The following TBC1D4 variants were observed in gnomAD, a reference collection of about 807,000 sequenced individuals.
TBC1D4 encodes TBC1 domain family member 4.
A neutral mutation model predicts 142.5 loss-of-function variants in TBC1D4; 121 were observed. The ratio of observed to expected loss-of-function variants is 0.85; its 90% confidence interval spans 0.73 to 0.99. The LOEUF (loss-of-function observed/expected upper bound fraction) is 0.99, where lower values mean the gene tolerates loss of function less well. Among genes scored for constraint, TBC1D4 ranks in the 50% least tolerant of loss-of-function variants. TBC1D4 has a pLI of 0.00. For synonymous variants in TBC1D4, 630 were observed against 628.2 expected (o/e 1.00, Z -0.04); for missense variants, 1,475 against 1,606.6 (o/e 0.92, Z 1.40).
At chr13:75,398,013 T>C (rs182299284) in intron 1 of TBC1D4, among the ~76,000 whole-genome samples, 1 of 152,114 alleles carries the variant, frequency 6.6e-6, no homozygotes, top group African/African-American at 2.4e-5. Context: ...CACCACGCTG[T>C]GAGGAAGGCC....
At chr13:75,339,565 A>G (rs1298055626) in intron 7 of TBC1D4, among the ~76,000 whole-genome samples, 2 of 149,794 alleles carry the variant, frequency 1.3e-5, no homozygotes, top group Non-Finnish European at 3.0e-5. Context: ...GCACACTACT[A>G]CATAACTTTG....
rs61021889 is a variant in TBC1D4, at chr13:75,375,773, C to CCCACACA, written c.499-13167_499-13166insTGTGTGG. 1.6e-4 allele frequency: 22 copies of CCCACACA among 133,732 alleles called. 1 individual carries two copies. The highest frequency in any genetic ancestry group is 6.5e-4 in the African/African-American group (22 of 33,944). The allele number at this position is 133,732 out of a possible 1,614,324, so 8.3% of individuals were successfully genotyped here. A position where few individuals can be genotyped will look rare whatever the true frequency, so the allele number is the denominator to read the frequency against. On this transcript the variant is annotated intron_variant, in intron 1 of 20. Transcript: ENST00000377636. The stretch of plus-strand genomic sequence containing the variant: ...ACATTCCCCTACTGCCCCACCCCCC[C>CCCACACA]CACACACACACATAATGGATTCTCT...
intron 16 of TBC1D4, among the ~76,000 whole-genome samples, chr13:75,300,008 A>G (rs1876369406): frequency 6.6e-6 from 1 of 152,140 alleles, no homozygotes; most frequent in Non-Finnish European, 1.5e-5. Flanking sequence ...TATTATTTAA[A>G]AGAAAATCTT....
chr13:75,370,807 T>G (rs1448455656), intron 1 of TBC1D4, among the ~76,000 whole-genome samples: 1 of 151,996 alleles, frequency 6.6e-6, no homozygotes, highest in Non-Finnish European at 1.5e-5. Flanking sequence ...GACAGAAAAT[T>G]GGAAGTTATT....
In TBC1D4 at chr13:75,359,833, A is replaced by G. The variant is rs1882355899; in HGVS notation, c.1106T>C (p.Ile369Thr). ...CACAACTGATTTAGTGTCTGGACTGATAAGGTTAATCTCAAATCGCCCAAC... is the reference window on the plus strand; with the variant it reads ...CACAACTGATTTAGTGTCTGGACTGGTAAGGTTAATCTCAAATCGCCCAAC... The part of the protein sequence containing the change: ...FQVGRFEINL[I>T]SPDTKSVVLE... The change falls in exon 3 of 21, where the codon ATC becomes ACC. Residue 369 changes from isoleucine to threonine, a missense_variant. Around this residue, in one of 2 missense-constraint regions of TBC1D4, gnomAD observed 1,227 missense variants for 1,267.7 expected, o/e 0.97. Transcript: ENST00000377636. 2 of 1,613,584 alleles carry G rather than the reference A, an allele frequency of 1.2e-6. No homozygotes were observed. The highest frequency in any genetic ancestry group is 1.7e-6 in the Non-Finnish European group (2 of 1,179,768).
intron 12 of TBC1D4, among the ~76,000 whole-genome samples, chr13:75,318,670 A>G (rs1432172162): frequency 6.6e-6 from 1 of 152,240 alleles, no homozygotes; most frequent in African/African-American, 2.4e-5. Flanking sequence ...TCCTATGGAA[A>G]ATCTTTACTA....
chr13:75,381,874 C>T (rs533197335), intron 1 of TBC1D4, among the ~76,000 whole-genome samples: 6 of 152,042 alleles, frequency 3.9e-5, no homozygotes, highest in African/African-American at 9.7e-5. Context: ...AAGTGCTGTA[C>T]GGCCACATGT....
intron 1 of TBC1D4, among the ~76,000 whole-genome samples, chr13:75,472,778 G>A (rs1888470831): frequency 6.6e-6 from 1 of 152,142 alleles, no homozygotes; most frequent in Middle Eastern, 3.2e-3. Flanking sequence ...ACAGAATAAT[G>A]AGGGATCCAA....
At chr13:75,318,315 T>G (rs1566373130) in intron 12 of TBC1D4, among the ~76,000 whole-genome samples, 1 of 152,176 alleles carries the variant, frequency 6.6e-6, no homozygotes, top group Non-Finnish European at 1.5e-5. Context: ...TGGCACCCAG[T>G]TGAAACTCCC....
At chr13:75,396,416 T>C (rs78789734) in intron 1 of TBC1D4, among the ~76,000 whole-genome samples, 8,626 of 152,280 alleles carry the variant, frequency 0.057, 270 homozygotes, top group African/African-American at 0.079. Flanking sequence ...CCTGAAAAGT[T>C]TTAAGTAATC....
At chr13:75,457,564 A>G (rs997407194) in intron 1 of TBC1D4, among the ~76,000 whole-genome samples, 2 of 152,220 alleles carry the variant, frequency 1.3e-5, no homozygotes, top group African/African-American at 4.8e-5. Context: ...TAACCTCTCA[A>G]AGTAGGAACC....
At chr13:75,471,139 G>A (rs1888381956) in intron 1 of TBC1D4, among the ~76,000 whole-genome samples, 1 of 151,572 alleles carries the variant, frequency 6.6e-6, no homozygotes, top group African/African-American at 2.4e-5. Context: ...TTATTAAAAT[G>A]AACAATTTAA....
chr13:75,393,426 A>G (rs1884600442), intron 1 of TBC1D4, among the ~76,000 whole-genome samples: 1 of 152,164 alleles, frequency 6.6e-6, no homozygotes, highest in Non-Finnish European at 1.5e-5. Context: ...CGCTCCAAAC[A>G]TTTTACAAGT....
At chr13:75,388,321 C>T (rs1191841318) in intron 1 of TBC1D4, among the ~76,000 whole-genome samples, 2 of 152,126 alleles carry the variant, frequency 1.3e-5, no homozygotes, top group Admixed American at 1.3e-4. Flanking sequence ...ATTTAAGGGG[C>T]CATAGTTCTG....
intron 4 of TBC1D4, among the ~76,000 whole-genome samples, chr13:75,354,081 C>T (rs367675934): frequency 3.3e-4 from 50 of 152,294 alleles, no homozygotes; most frequent in African/African-American, 9.9e-4. Flanking sequence ...CACCAACCAT[C>T]GAAGCAGTCT....
rs1874705542 is a variant in TBC1D4, at chr13:75,286,701, T to C, written c.*91A>G. On this transcript the variant is annotated 3_prime_UTR_variant, in exon 21 of 21. Transcript: ENST00000377636. ...ACCAGTATTAGGTGGTTCCATCAGC[T>C]TCAGGGTCCAGCCTTGGGCCAGCGA... The C allele has an allele frequency of 4.5e-6, 6 of 1,333,702 alleles. No homozygotes were observed. Among genetic ancestry groups the C allele is most frequent in the African/African-American group, 4.4e-5 (3 of 68,424 alleles). The allele number at this position is 1,333,702 out of a possible 1,614,324, so 82.6% of individuals were successfully genotyped here.
chr13:75,305,147 A>G (rs897542453), intron 15 of TBC1D4, among the ~76,000 whole-genome samples: 1 of 152,174 alleles, frequency 6.6e-6, no homozygotes, highest in Non-Finnish European at 1.5e-5. Context: ...CTTGGTTCTC[A>G]TTCTCTTTTG....
intron 4 of TBC1D4, among the ~76,000 whole-genome samples, chr13:75,354,988 C>T (rs567299606): frequency 6.6e-6 from 1 of 152,194 alleles, no homozygotes; most frequent in African/African-American, 2.4e-5. Context: ...ATGGAACCCT[C>T]TAGAATAGGA....
At chr13:75,366,523 C>T (rs1882919234) in intron 1 of TBC1D4, among the ~76,000 whole-genome samples, 1 of 152,138 alleles carries the variant, frequency 6.6e-6, no homozygotes. Flanking sequence ...CATTAACACA[C>T]AGGAATCAAT....
Sources: gnomAD v4.1 joint callset for allele counts (sites outside exome capture counted in the v4.1 genomes callset) on GRCh38, gnomAD v4.1.1 for gene constraint, gnomAD v4.1.1 regional missense constraint, MANE v1.5 for transcripts, NCBI Gene and HGNC (gene_info 2026-07-23, HGNC 2026-07-21) for gene names.